Variants in ZZEF1 observed in about 807,000 individuals in gnomAD.
ZZEF1 encodes zinc finger ZZ-type and EF-hand domain-containing protein 1.
In ZZEF1, 157 loss-of-function variants were observed where a neutral mutation model predicts 342.8. That is an observed-to-expected ratio of 0.46 (90% CI 0.40 to 0.52). The LOEUF (loss-of-function observed/expected upper bound fraction) is 0.52, where lower values mean the gene tolerates loss of function less well. Among genes scored for constraint, ZZEF1 ranks in the 20% least tolerant of loss-of-function variants. ZZEF1 has a pLI of 0.00. For missense variants in ZZEF1, 3,480 were observed against 3,725.6 expected, an observed-to-expected ratio of 0.93 and a Z score of 1.72; for synonymous variants, 1,505 against 1,429.1, an observed-to-expected ratio of 1.05 and a Z score of -1.20.
chr17:4,124,914 C>G (rs1001588918), intron 1 of ZZEF1, among the ~76,000 whole-genome samples: 1 of 152,192 alleles, frequency 6.6e-6, no homozygotes, highest in African/African-American at 2.4e-5. Flanking sequence ...TAAATCTGCT[C>G]TATCACTACT....
Position 4,054,215 on chromosome 17 carries a change from C to T in ZZEF1, c.5296-20G>A, listed in dbSNP as rs370995279. The T allele has an allele frequency of 3.3e-5, 53 of 1,601,386 alleles. No homozygotes were observed. The highest frequency in any genetic ancestry group is 4.3e-5 in the Non-Finnish European group (50 of 1,172,450). ...GTGCATCTGTAAGGCCAAACATATA[C>T]AATTAACTGATAGATTTTCTAAGGT... is the stretch of plus-strand genomic sequence containing the variant. On this transcript the variant is annotated intron_variant, in intron 33 of 54. Coordinates refer to ENST00000381638, the MANE Select transcript of ZZEF1 (RefSeq NM_015113.4).
chr17:4,088,322 A>G (rs974220841), intron 13 of ZZEF1, among the ~76,000 whole-genome samples: 1 of 152,110 alleles, frequency 6.6e-6, no homozygotes, highest in South Asian at 2.1e-4. Flanking sequence ...ATTCACCTAG[A>G]CCTCAGTTAT....
At chr17:4,136,524 A>C (rs2145613538) in intron 1 of ZZEF1, among the ~76,000 whole-genome samples, 1 of 152,200 alleles carries the variant, frequency 6.6e-6, no homozygotes, top group Non-Finnish European at 1.5e-5. Context: ...CTGGCTTGAG[A>C]ATGGTGGAAC....
At chr17:4,045,759 TC>T (rs1212253165) in intron 37 of ZZEF1, among the ~76,000 whole-genome samples, 2 of 152,108 alleles carry the variant, frequency 1.3e-5, no homozygotes, top group African/African-American at 4.8e-5. Flanking sequence ...ACCTAACTAA[TC>T]ACACCCTTTC....
intron 3 of ZZEF1, among the ~76,000 whole-genome samples, chr17:4,115,460 C>G (rs542447465): frequency 7.9e-5 from 12 of 152,146 alleles, no homozygotes; most frequent in Non-Finnish European, 4.4e-5. Context: ...GTCAGGAGGT[C>G]GAGACCAGCC....
At chr17:4,127,587 T>TA (rs558209580) in intron 1 of ZZEF1, among the ~76,000 whole-genome samples, 11 of 151,076 alleles carry the variant, frequency 7.3e-5, no homozygotes, top group South Asian at 4.2e-4. Context: ...ACTTTCCTAT[T>TA]AAAAAAAAAG....
At position 4,017,960 on chromosome 17, in the gene ZZEF1, T is replaced by A; in HGVS notation, c.7517A>T (p.Asp2506Val). ...TATCCTTTCATCTGTGGTGAGCTCA[T>A]CACCATCAAACCTGCAGAAGGGCAG... is the stretch of plus-strand genomic sequence containing the variant. ...FLEVQKRFDG[D>V]ELTTDERIRS... The change falls in exon 47 of 55, where the codon GAT becomes GTT. Residue 2506 changes from aspartate to valine, a missense_variant. By Grantham distance (152) the Asp-to-Val change is radical. This residue lies in a region of ZZEF1 where 1,269 missense variants were observed against 1,342.4 expected (regional missense o/e 0.95). Coordinates refer to ENST00000381638, the MANE Select transcript of ZZEF1 (RefSeq NM_015113.4). This position sits in a 1 kb window ranked among gnomAD's most constrained non-coding sequence, Gnocchi z 5.1. 6.2e-7 allele frequency: 1 copy of A among 1,613,572 alleles called. No individual in the cohort carries two copies. Among genetic ancestry groups the A allele is most frequent in the East Asian group, 2.2e-5 (1 of 44,882 alleles).
chr17:4,058,409 G>A (rs1392329069), intron 31 of ZZEF1, among the ~76,000 whole-genome samples: 3 of 152,224 alleles, frequency 2.0e-5, no homozygotes, highest in East Asian at 3.8e-4. Context: ...GTAAAGAACT[G>A]AGAAGTGAAA....
At position 4,078,023 on chromosome 17, in the gene ZZEF1, C is replaced by G; in HGVS notation, c.2849G>C (p.Ser950Thr). 1 of 1,614,002 alleles carries G rather than the reference C, an allele frequency of 6.2e-7. No homozygotes were observed. The highest frequency in any genetic ancestry group is 8.5e-7 in the Non-Finnish European group (1 of 1,180,002). ...AGAGCCCACCTCCCCTGGGGCCCCA[C>G]TGAGCATTAACAGCTCGCACTACAA... ...AARECELLML[S>T]GAPGEVGSVL... The change falls in exon 19 of 55, where the codon AGT (serine) becomes ACT (threonine). Residue 950 changes from serine to threonine, a missense_variant. Coordinates refer to ENST00000381638, the MANE Select transcript of ZZEF1 (RefSeq NM_015113.4).
At chr17:4,061,902 TCA>T (rs1356001807) in intron 30 of ZZEF1, among the ~76,000 whole-genome samples, 1 of 152,194 alleles carries the variant, frequency 6.6e-6, no homozygotes, top group Non-Finnish European at 1.5e-5. Context: ...CCACCTCTTT[TCA>T]CACAGCAGCC....
intron 8 of ZZEF1, among the ~76,000 whole-genome samples, chr17:4,103,691 G>A (rs2058163906): frequency 6.6e-6 from 1 of 152,214 alleles, no homozygotes; most frequent in Non-Finnish European, 1.5e-5. Flanking sequence ...GCCAAGGTGG[G>A]AGGACTGCTT....
chr17:4,088,756 C>G lies in ZZEF1; in HGVS notation c.2163G>C (p.Lys721Asn). 1 of 1,614,222 alleles carries G rather than the reference C, an allele frequency of 6.2e-7. No individual in the cohort carries two copies. Among genetic ancestry groups the G allele is most frequent in the South Asian group, 1.1e-5 (1 of 91,082 alleles). The change falls in exon 13 of 55, where the codon AAG becomes AAC. Residue 721 changes from lysine (K) to asparagine (N), a missense_variant. Around this residue, in one of 5 missense-constraint regions of ZZEF1, gnomAD observed 1,528 missense variants for 1,624.1 expected, o/e 0.94. Coordinates refer to ENST00000381638, the MANE Select transcript of ZZEF1 (RefSeq NM_015113.4). ...CCCCACAGACACTCTCCTCTGTGTC[C>G]TTTCTGCAGTGTGCACAGGTGACGC... The part of the protein sequence containing the change: ...EQSVTCAHCR[K>N]DTEESVCGAT...
chr17:4,033,827 G>A (rs2056601961), intron 40 of ZZEF1, 188 bp downstream of exon 40: 1 of 694,626 alleles, frequency 1.4e-6, no homozygotes, highest in East Asian at 2.7e-5. Flanking sequence ...TTTTAACGTT[G>A]GTGTTAAGCA....
rs533665241 is a variant in ZZEF1, at chr17:4,035,064, AAATTT to A, written c.6307-777_6307-773del. ...TTGTGTATGTATGTATATGTAAAAT[AAATTT>A]AAAATTTTAAATAGTTGTTTTTCTT... is the stretch of plus-strand genomic sequence containing the variant. On this transcript the variant is annotated intron_variant, in intron 39 of 54. Coordinates refer to ENST00000381638, the MANE Select transcript of ZZEF1 (RefSeq NM_015113.4). 4.6e-5 allele frequency among the ~76,000 whole-genome samples: 7 copies of A among 152,356 alleles called. No homozygotes were observed. The South Asian group carries it at 1.4e-3, about 32-fold the overall frequency.
chr17:4,071,328 G>A, intron 25 of ZZEF1: 1 of 168,632 alleles, frequency 5.9e-6, no homozygotes, highest in Non-Finnish European at 1.3e-5. Context: ...CGAGTCAGTG[G>A]GGAGACTGAC....
intron 1 of ZZEF1, among the ~76,000 whole-genome samples, chr17:4,132,641 G>A (rs570094425): frequency 2.0e-5 from 3 of 150,818 alleles, no homozygotes; most frequent in Admixed American, 6.6e-5. Context: ...GACCATCCTG[G>A]CTAACACGGT....
At chr17:4,020,382 G>A (rs1234706318) in intron 45 of ZZEF1, among the ~76,000 whole-genome samples, 1 of 152,216 alleles carries the variant, frequency 6.6e-6, no homozygotes, top group Non-Finnish European at 1.5e-5. Context: ...TTGCATGTAT[G>A]CTCTGTGCCA....
intron 46 of ZZEF1, among the ~76,000 whole-genome samples, chr17:4,018,239 G>A (rs550047013): frequency 6.6e-6 from 1 of 151,902 alleles, no homozygotes; most frequent in South Asian, 2.1e-4. Context: ...TAATTTAAAT[G>A]TTTTATTTTC....
rs34760976 is a variant in ZZEF1 at position 4,074,238 on chromosome 17, G to A, written c.3597C>T (p.Ala1199=). 0.13 allele frequency: 213,714 copies of A among 1,613,958 alleles called. 14,827 individuals carry two copies. Among genetic ancestry groups the A allele is most frequent in the South Asian group, 0.16 (14,849 of 91,072 alleles). The change falls in exon 24 of 55, where the codon GCC becomes GCT. Residue 1199 remains alanine, a synonymous_variant. Transcript: ENST00000381638. ...TVTACGLPDV[A]VSWGLDLQLL... The stretch of plus-strand genomic sequence containing the variant: ...GCTGTAAATCCAGCCCCCAAGACAC[G>A]GCAACATCGGGCAGCCCACAGGCAG...
Sources: gnomAD v4.1 joint callset for allele counts (sites outside exome capture counted in the v4.1 genomes callset) on GRCh38, gnomAD v4.1.1 for gene constraint, gnomAD v4.1.1 regional missense constraint, Gnocchi (gnomAD v3.1) non-coding constraint, MANE v1.5 for transcripts, NCBI Gene and HGNC (gene_info 2026-07-23, HGNC 2026-07-21) for gene names.